Variants in CDKN2B-AS1 observed in about 807,000 individuals in gnomAD.
The protein encoded by CDKN2B-AS1 is CDKN2B antisense RNA 1 (non-protein coding).
At chr9:22,003,679 C>A (rs993465523) in intron 1 of CDKN2B-AS1, 1 of 231,096 alleles carries the variant, frequency 4.3e-6, no homozygotes, top group Non-Finnish European at 8.6e-6. Flanking sequence ...TATTTTCTGT[C>A]CCTGTGCTTC....
intron 4 of CDKN2B-AS1, among the ~76,000 whole-genome samples, chr9:22,067,622 A>G (rs1270621694): frequency 6.6e-6 from 1 of 152,188 alleles, no homozygotes; most frequent in South Asian, 2.1e-4. Context: ...ATATGAAGGC[A>G]AAATAAAACA....
chr9:22,073,380 C>T (rs917517087), intron 4 of CDKN2B-AS1, among the ~76,000 whole-genome samples: 1 of 152,148 alleles, frequency 6.6e-6, no homozygotes, highest in Non-Finnish European at 1.5e-5. Flanking sequence ...AAGCACTGTG[C>T]ATCTAGGCTG....
chr9:22,076,721 C>T (rs1383923918), intron 4 of CDKN2B-AS1, among the ~76,000 whole-genome samples: 3 of 152,032 alleles, frequency 2.0e-5, no homozygotes, highest in Non-Finnish European at 2.9e-5. Context: ...GAGACAAGGT[C>T]TCACTCTGTC....
intron 4 of CDKN2B-AS1, among the ~76,000 whole-genome samples, chr9:22,125,348 A>C (rs1333048): frequency 0.45 from 67,740 of 152,114 alleles, 15,825 homozygotes; most frequent in Middle Eastern, 0.65. Flanking sequence ...GGAGATGTTT[A>C]AATGTCGAAT....
At chr9:22,109,061 A>G (rs988114442) in intron 4 of CDKN2B-AS1, among the ~76,000 whole-genome samples, 9 of 152,200 alleles carry the variant, frequency 5.9e-5, no homozygotes, top group Non-Finnish European at 1.3e-4. Flanking sequence ...AAATTCTCTT[A>G]GGGACACTTT....
intron 1 of CDKN2B-AS1, among the ~76,000 whole-genome samples, chr9:22,021,306 A>G (rs1017926581): frequency 7.9e-5 from 12 of 151,160 alleles, no homozygotes; most frequent in Admixed American, 2.0e-4. Context: ...TACCAGTGCC[A>G]TGTTGTTTTG....
rs531182018 is a variant in CDKN2B-AS1 at position 22,005,294 on chromosome 9, T to G, written n.29+10133T>G. The G allele has an allele frequency of 5.3e-4, 125 of 237,920 alleles. No individual in the cohort carries two copies. The highest frequency in any genetic ancestry group is 9.3e-4 in the Non-Finnish European group (113 of 120,952). The allele number at this position is 237,920 out of a possible 1,614,324, so 14.7% of individuals were successfully genotyped here. On this transcript the variant is annotated intron_variant and non_coding_transcript_variant, in intron 1 of 4. Transcript: ENST00000650946. The surrounding 1 kb of genome is among the most constrained non-coding windows in gnomAD (Gnocchi z 4.9). Reference sequence around the variant, plus strand: ...TGTGCAAAGGTGCTCTGCAGCGTCGTGATCCAGGGATTTTAGCATCTGTCG... The same window carrying G: ...TGTGCAAAGGTGCTCTGCAGCGTCGGGATCCAGGGATTTTAGCATCTGTCG...
intron 1 of CDKN2B-AS1, among the ~76,000 whole-genome samples, chr9:22,021,232 G>T (rs1822005684): frequency 6.6e-6 from 1 of 151,564 alleles, no homozygotes; most frequent in South Asian, 2.1e-4. Context: ...CCATTAGTCT[G>T]TGTCTGCTTT....
intron 1 of CDKN2B-AS1, among the ~76,000 whole-genome samples, chr9:21,998,303 A>G (rs542235159): frequency 9.8e-5 from 15 of 152,346 alleles, no homozygotes; most frequent in Admixed American, 8.5e-4. Context: ...AAAATTAATA[A>G]TGAAGAACTG....
At chr9:22,037,545 CAG>C (rs1198609605) in intron 1 of CDKN2B-AS1, among the ~76,000 whole-genome samples, 2 of 152,078 alleles carry the variant, frequency 1.3e-5, no homozygotes. Context: ...CTTCTGGAAA[CAG>C]GGCAGGCATC....
rs889941219 is a variant in CDKN2B-AS1 at position 22,005,553 on chromosome 9, A to G, written n.29+10392A>G. 5 of 383,770 alleles carry G rather than the reference A, an allele frequency of 1.3e-5. No homozygotes were observed. The highest frequency in any genetic ancestry group is 1.2e-4 in the South Asian group (4 of 32,096). The allele number at this position is 383,770 out of a possible 1,614,324, so 23.8% of individuals were successfully genotyped here. The stretch of plus-strand genomic sequence containing the variant: ...GGTTCACCATAACTCCTCAGCAGAC[A>G]TTGGAGTGAACGCATCGACTGCCGT... On this transcript the variant is annotated intron_variant and non_coding_transcript_variant, in intron 1 of 4. Coordinates refer to ENST00000650946, the Ensembl canonical transcript of CDKN2B-AS1. This position sits in a 1 kb window ranked among gnomAD's most constrained non-coding sequence, Gnocchi z 4.9.
chr9:22,123,204 G>A (rs953618638), intron 4 of CDKN2B-AS1, among the ~76,000 whole-genome samples: 5 of 152,042 alleles, frequency 3.3e-5, no homozygotes, highest in Non-Finnish European at 5.9e-5. Flanking sequence ...TATTGATATC[G>A]TATTCTGCAA....
intron 4 of CDKN2B-AS1, among the ~76,000 whole-genome samples, chr9:22,074,851 T>G (rs1824434186): frequency 6.6e-6 from 1 of 152,200 alleles, no homozygotes; most frequent in South Asian, 2.1e-4. Context: ...CCATGAAGGC[T>G]TTCATAGGCT....
chr9:22,121,453 G>A (rs112887706), intron 4 of CDKN2B-AS1, among the ~76,000 whole-genome samples: 7 of 151,982 alleles, frequency 4.6e-5, no homozygotes, highest in Admixed American at 2.0e-4. Context: ...AGGGTAATTC[G>A]CATACCCAGT....
chr9:22,060,722 T>C lies in CDKN2B-AS1; in HGVS notation n.438+4335T>C, dbSNP rs773064611. ...AAACTAGGAACAAAAAGAGGTTTCA[T>C]TGGACTTACAGTTAGTTCCACATGG... On this transcript the variant is annotated intron_variant and non_coding_transcript_variant, in intron 4 of 4. Transcript: ENST00000650946. 4.6e-5 allele frequency among the ~76,000 whole-genome samples: 7 copies of C among 152,306 alleles called. 1 individual carries two copies. Among genetic ancestry groups the C allele is most frequent in the South Asian group, 4.1e-4 (2 of 4,828 alleles).
At chr9:22,107,939 G>T (rs1191388509) in intron 4 of CDKN2B-AS1, among the ~76,000 whole-genome samples, 3 of 152,118 alleles carry the variant, frequency 2.0e-5, no homozygotes, top group African/African-American at 4.8e-5. Flanking sequence ...TTGGGTCAAG[G>T]TCTAAGAAAC....
chr9:22,116,396 C>T (rs1240759929), intron 4 of CDKN2B-AS1, among the ~76,000 whole-genome samples: 1 of 152,148 alleles, frequency 6.6e-6, no homozygotes. Flanking sequence ...CTTTCCCTCA[C>T]AATGCATAAC....
chr9:22,012,788 A>T (rs1821569574), intron 1 of CDKN2B-AS1, among the ~76,000 whole-genome samples: 1 of 147,938 alleles, frequency 6.8e-6, no homozygotes, highest in Non-Finnish European at 1.5e-5. Context: ...CAAATTTTTT[A>T]TGAACACACC....
At chr9:22,123,186 T>C (rs1167879077) in intron 4 of CDKN2B-AS1, among the ~76,000 whole-genome samples, 1 of 152,216 alleles carries the variant, frequency 6.6e-6, no homozygotes, top group Non-Finnish European at 1.5e-5. Context: ...ATACTACTGA[T>C]TTTTGTATAT....
Sources: gnomAD v4.1 joint callset for allele counts (sites outside exome capture counted in the v4.1 genomes callset) on GRCh38, gnomAD v4.1.1 for gene constraint, Gnocchi (gnomAD v3.1) non-coding constraint, MANE v1.5 for transcripts, NCBI Gene and HGNC (gene_info 2026-07-23, HGNC 2026-07-21) for gene names.